Variants in STS observed in about 807,000 individuals in gnomAD.
STS encodes steryl-sulfatase.
STS carries 7 observed loss-of-function variants against 26.8 expected under a neutral mutation model. The observed-to-expected ratio is 0.26, with a 90% CI of 0.15 to 0.49. The LOEUF is 0.49. STS is among the 20% of genes least tolerant of loss of function. The pLI is 0.98. For missense variants in STS, 434 were observed against 465.6 expected, an observed-to-expected ratio of 0.93 and a Z score of 0.63; for synonymous variants, 199 against 189.4, an observed-to-expected ratio of 1.05 and a Z score of -0.42.
chrX:7,348,148 G>A (rs763936197), intron 10 of STS, among the ~76,000 whole-genome samples: 88 of 110,782 alleles, frequency 7.9e-4, no homozygotes, highest in Non-Finnish European at 1.5e-3. Context: ...TAATCTAAAC[G>A]TATTCACCTC....
At chrX:7,183,767 C>T (rs1933724546) in intron 1 of STS, among the ~76,000 whole-genome samples, 1 of 111,473 alleles carries the variant, frequency 9.0e-6, no homozygotes, top group Non-Finnish European at 1.9e-5. Context: ...TCTGGGAGGC[C>T]GAGGTGGGTA....
At chrX:7,330,387 G>A (rs1927691400) in intron 9 of STS, among the ~76,000 whole-genome samples, 1 of 111,732 alleles carries the variant, frequency 8.9e-6, no homozygotes, top group African/African-American at 3.3e-5. Context: ...ACACCTTTTG[G>A]AAAACATCAA....
intron 10 of STS, 135 bp from the exon 11 acceptor site, chrX:7,349,753 C>T (rs1928703260): frequency 6.7e-6 from 6 of 900,743 alleles, no homozygotes; most frequent in Non-Finnish European, 9.5e-6. Flanking sequence ...TACATATTAA[C>T]ATTGTGTCTG....
chrX:7,340,657 A>C (rs1454769839), intron 10 of STS, among the ~76,000 whole-genome samples: 1 of 112,040 alleles, frequency 8.9e-6, no homozygotes, highest in African/African-American at 3.3e-5. Context: ...GGCTGTAACA[A>C]AAAACAATAA....
intron 7 of STS, among the ~76,000 whole-genome samples, chrX:7,299,935 C>T (rs750685793): frequency 2.6e-4 from 29 of 111,634 alleles, no homozygotes; most frequent in Non-Finnish European, 4.0e-4. Flanking sequence ...CCTAAGACCT[C>T]GAATTCTGCT....
chrX:7,179,202 T>TA (rs1173841007), intron 1 of STS, among the ~76,000 whole-genome samples: 1 of 111,553 alleles, frequency 9.0e-6, no homozygotes, highest in Non-Finnish European at 1.9e-5. Flanking sequence ...ATGAAAGTGG[T>TA]AACTGGCTTT....
chrX:7,167,134 G>A (rs1296558863), intron 1 of STS, among the ~76,000 whole-genome samples: 1 of 111,739 alleles, frequency 8.9e-6, no homozygotes, highest in African/African-American at 3.3e-5. Context: ...TCAAGGTGCT[G>A]TCCAGGTGTT....
At chrX:7,247,495 A>G (rs917460090) in intron 2 of STS, among the ~76,000 whole-genome samples, 1 of 112,394 alleles carries the variant, frequency 8.9e-6, no homozygotes, top group Non-Finnish European at 1.9e-5. Context: ...CTGCACGAAC[A>G]TAGAGTTGAT....
intron 1 of STS, among the ~76,000 whole-genome samples, chrX:7,156,844 T>G (rs1276389837): frequency 8.9e-6 from 1 of 112,105 alleles, no homozygotes; most frequent in African/African-American, 3.2e-5. Context: ...CCATGTTCCA[T>G]GTAACACACA....
At chrX:7,239,111 G>A (rs760112573) in intron 2 of STS, among the ~76,000 whole-genome samples, 1 of 111,616 alleles carries the variant, frequency 9.0e-6, no homozygotes, top group South Asian at 3.8e-4. Context: ...TTGTATAGTC[G>A]ATAGAAACAG....
intron 1 of STS, among the ~76,000 whole-genome samples, chrX:7,171,012 A>G (rs1346699937): frequency 1.8e-5 from 2 of 111,529 alleles, no homozygotes; most frequent in Non-Finnish European, 3.8e-5. Flanking sequence ...ACAATGGGCC[A>G]GTCATGGGAT....
chrX:7,156,836 A>G (rs1366790609), intron 1 of STS, among the ~76,000 whole-genome samples: 2 of 111,982 alleles, frequency 1.8e-5, no homozygotes, highest in Non-Finnish European at 3.8e-5. Flanking sequence ...GCCCCCAACC[A>G]TGTTCCATGT....
At position 7,157,701 on chromosome X, in the gene STS, G is replaced by A. The variant is rs565412554; in HGVS notation, c.-134+9618G>A. Among the ~76,000 whole-genome samples the A allele has an allele frequency of 1.4e-4, 16 of 111,176 alleles. No individual in the cohort carries two copies. The East Asian group carries it at 1.7e-3, about 12-fold the overall frequency. On this transcript the variant is annotated intron_variant, in intron 1 of 10. Transcript: ENST00000674429. The stretch of plus-strand genomic sequence containing the variant: ...CAATAAAGGGTTATTGATTAGAGGG[G>A]CCTGAGATGTATGCTTCTGCCTGCC...
At chrX:7,175,179 TAAAAA>T (rs143220502) in intron 1 of STS, among the ~76,000 whole-genome samples, 3 of 42,087 alleles carry the variant, frequency 7.1e-5, no homozygotes, top group African/African-American at 2.8e-4. Context: ...TCTGAGCTGG[TAAAAA>T]AAAAAAAAAA....
chrX:7,319,653 A>G (rs1178956666), intron 8 of STS, among the ~76,000 whole-genome samples: 1 of 109,609 alleles, frequency 9.1e-6, no homozygotes, highest in African/African-American at 3.3e-5. Flanking sequence ...CCTTAATTCT[A>G]CTGTTCACAT....
intron 9 of STS, among the ~76,000 whole-genome samples, chrX:7,333,652 A>T (rs1323050101): frequency 8.9e-6 from 1 of 112,672 alleles, no homozygotes; most frequent in Non-Finnish European, 1.9e-5. Flanking sequence ...AAGAGGAAGA[A>T]TAAGGGTATG....
intron 8 of STS, among the ~76,000 whole-genome samples, chrX:7,307,109 C>A (rs1403700223): frequency 9.0e-6 from 1 of 111,246 alleles, no homozygotes; most frequent in Non-Finnish European, 1.9e-5. Flanking sequence ...ATCTGGACAA[C>A]CTTCATAGGC....
Position 7,279,173 on chromosome X carries a change from G to A in STS, c.943+3086G>A, listed in dbSNP as rs146988658. Among the ~76,000 whole-genome samples, 404 of 107,525 alleles carry A rather than the reference G, an allele frequency of 3.8e-3. 1 individual carries two copies. The highest frequency in any genetic ancestry group is 0.013 in the African/African-American group (380 of 29,386). The allele number at this position is 107,525 out of a possible 115,157, so 93.4% of individuals were successfully genotyped here. A position where few individuals can be genotyped will look rare whatever the true frequency, so the allele number is the denominator to read the frequency against. On this transcript the variant is annotated intron_variant, in intron 7 of 10. Transcript: ENST00000674429. ...ACAAAAATTAGCCGGGCATGGTGGT[G>A]TGCACCTGTAATCCCACCTACTGGG...
chrX:7,165,726 A>G (rs1253199941), intron 1 of STS, among the ~76,000 whole-genome samples: 2 of 112,249 alleles, frequency 1.8e-5, no homozygotes, highest in Non-Finnish European at 3.8e-5. Context: ...TACTATTGAC[A>G]TTTGAGGCCA....
Sources: gnomAD v4.1 joint callset for allele counts (sites outside exome capture counted in the v4.1 genomes callset) on GRCh38, gnomAD v4.1.1 for gene constraint, MANE v1.5 for transcripts, NCBI Gene and HGNC (gene_info 2026-07-23, HGNC 2026-07-21) for gene names.